Variants in USP42 observed in about 807,000 individuals in gnomAD.
USP42 encodes ubiquitin specific peptidase 42.
In USP42, 23 loss-of-function variants were observed where a neutral mutation model predicts 113.0. The observed-to-expected ratio is 0.20, with a 90% CI of 0.15 to 0.29. The LOEUF is 0.29. Among genes scored for constraint, USP42 ranks in the 10% least tolerant of loss-of-function variants. The probability of loss-of-function intolerance (pLI) is 1.00; values close to 1 mark genes in which losing one functional copy is unlikely to be tolerated. For synonymous variants in USP42, 933 were observed against 699.0 expected (o/e 1.33, Z -5.28); for missense variants, 2,174 against 1,779.8 (o/e 1.22, Z -3.99).
At chr7:6,091,978 T>TTTCCTCTTCTTC in the USP42 span, among the ~76,000 whole-genome samples, 1 of 67,866 alleles carries the variant, frequency 1.5e-5, no homozygotes, top group Non-Finnish European at 2.9e-5. Context: ...GGACGTATTT[T>TTTCCTCTTCTTC]TTCTTCTTCT....
At chr7:6,156,028 A>T (rs1782429154) in intron 15 of USP42, among the ~76,000 whole-genome samples, 1 of 152,192 alleles carries the variant, frequency 6.6e-6, no homozygotes, top group South Asian at 2.1e-4. Flanking sequence ...GGCATGAGCC[A>T]CCTCACCTGG....
intron 1 of USP42, among the ~76,000 whole-genome samples, chr7:6,109,377 T>C (rs1779466160): frequency 6.6e-6 from 1 of 152,028 alleles, no homozygotes. Context: ...TCCTGAAAGG[T>C]GTTCTTTCTT....
In USP42 at chr7:6,115,374, A is replaced by T; in HGVS notation, c.293A>T (p.Lys98Met). The T allele has an allele frequency of 6.2e-7, 1 of 1,614,062 alleles. No individual in the cohort carries two copies. Among genetic ancestry groups the T allele is most frequent in the South Asian group, 1.1e-5 (1 of 91,084 alleles). The change falls in exon 3 of 18, where the codon AAG becomes ATG. Residue 98 changes from lysine to methionine, a missense_variant. Coordinates refer to ENST00000306177, the MANE Select transcript of USP42 (RefSeq NM_032172.3). ...PPQKVLFPSE[K>M]ICLKWQQTHR... ...CAGAAAGTTCTTTTCCCATCTGAGA[A>T]GATTTGTCTTAAGTGGCAACAAACT...
chr7:6,152,946 T>C (rs913234632), intron 14 of USP42: 6 of 985,196 alleles, frequency 6.1e-6, no homozygotes, highest in Non-Finnish European at 7.2e-6. Context: ...CACTGGACTT[T>C]TTTTCTTTAG....
chr7:6,095,438 G>T, the USP42 span, among the ~76,000 whole-genome samples: 1 of 151,098 alleles, frequency 6.6e-6, no homozygotes, highest in Non-Finnish European at 1.5e-5. Context: ...GGCAGGTTGA[G>T]GCAGGCAGAT....
chr7:6,158,462 CTG>C lies in USP42; in HGVS notation c.3944-982_3944-981del, dbSNP rs1782585718. 6.6e-6 allele frequency among the ~76,000 whole-genome samples: 1 copy of C among 150,728 alleles called. No individual in the cohort carries two copies. Among genetic ancestry groups the C allele is most frequent in the Non-Finnish European group, 1.5e-5 (1 of 68,006 alleles). On this transcript the variant is annotated intron_variant, in intron 16 of 17. Coordinates refer to ENST00000306177, the MANE Select transcript of USP42 (RefSeq NM_032172.3). This position sits in a 1 kb window ranked among gnomAD's most constrained non-coding sequence, Gnocchi z 4.2. The stretch of plus-strand genomic sequence containing the variant: ...CGGCTGAGTTGTGGGTTAGGTGGAG[CTG>C]TGTGTTCTGGGGAAGGCCTGTCCCT...
intron 3 of USP42, among the ~76,000 whole-genome samples, chr7:6,127,949 A>G (rs1780628823): frequency 6.6e-6 from 1 of 151,858 alleles, no homozygotes; most frequent in Admixed American, 6.6e-5. Context: ...TTGAGACAGA[A>G]TCTTGTTCTG....
chr7:6,143,673 T>A (rs1781550196), intron 8 of USP42, among the ~76,000 whole-genome samples: 1 of 152,062 alleles, frequency 6.6e-6, no homozygotes, highest in Non-Finnish European at 1.5e-5. Flanking sequence ...TTTATTCCTT[T>A]TGTTTCTGGT....
In USP42 at chr7:6,154,935, G is replaced by C; in HGVS notation, c.3381G>C (p.Pro1127=). ...CAGGCGCGCCCCACGCCCTCGCCCC[G>C]CACCCCGACCGCTTCTCCCACGACA... ...PRAGAPHALA[P]HPDRFSHDRT... Residue 1127 remains proline (P), a synonymous_variant, in exon 15 of 18, where the codon CCG becomes CCC. Transcript: ENST00000306177. 15 of 1,551,606 alleles carry C rather than the reference G, an allele frequency of 9.7e-6. No individual in the cohort carries two copies. Among genetic ancestry groups the C allele is most frequent in the Non-Finnish European group, 1.3e-5 (15 of 1,147,200 alleles).
At chr7:6,087,340 CTTTTTTTTT>C in the USP42 span, among the ~76,000 whole-genome samples, 6 of 116,508 alleles carry the variant, frequency 5.1e-5, no homozygotes, top group Non-Finnish European at 7.0e-5. Context: ...CTAAGCGCTT[CTTTTTTTTT>C]TTTTTTTTTT....
chr7:6,154,563 C>T lies in USP42; in HGVS notation c.3009C>T (p.Gly1003=), dbSNP rs773607140. 8 of 1,553,556 alleles carry T rather than the reference C, an allele frequency of 5.1e-6. No individual in the cohort carries two copies. Among genetic ancestry groups the T allele is most frequent in the Admixed American group, 1.9e-5 (1 of 51,534 alleles). Residue 1003 remains glycine, a synonymous_variant, in exon 15 of 18, where the codon GGC becomes GGT. Coordinates refer to ENST00000306177, the MANE Select transcript of USP42 (RefSeq NM_032172.3). ...RHAPEHHPGH[G]DRLSPGERRS... is the part of the protein sequence containing the mutation. ...CCCCGGAGCACCACCCCGGCCACGG[C>T]GACAGGCTCAGCCCTGGCGAGCGCC...
chr7:6,101,721 C>T (rs763418622), upstream of USP42, among the ~76,000 whole-genome samples: 1 of 150,916 alleles, frequency 6.6e-6, no homozygotes, highest in Non-Finnish European at 1.5e-5. Context: ...GAGGTGTAAC[C>T]CCCCATCCCC....
At chr7:6,112,809 C>T (rs991942304) in intron 2 of USP42, among the ~76,000 whole-genome samples, 2 of 151,838 alleles carry the variant, frequency 1.3e-5, no homozygotes, top group African/African-American at 4.8e-5. Context: ...AATTTGTCTT[C>T]CAGTGTGGCC....
chr7:6,091,582 A>G, the USP42 span, among the ~76,000 whole-genome samples: 1 of 149,886 alleles, frequency 6.7e-6, no homozygotes, highest in Non-Finnish European at 1.5e-5. Flanking sequence ...GTTTCTATTG[A>G]TTATATTGAT....
the USP42 span, among the ~76,000 whole-genome samples, chr7:6,094,502 G>A: frequency 1.4e-4 from 21 of 151,286 alleles, no homozygotes; most frequent in Non-Finnish European, 2.8e-4. Context: ...CCATTCTGTT[G>A]TGGATGTAGA....
the USP42 span, chr7:6,093,172 T>C: frequency 7.4e-6 from 1 of 134,636 alleles, no homozygotes; most frequent in Non-Finnish European, 1.6e-5. Flanking sequence ...TTCCCTTCCT[T>C]CCCTCCCTCT....
At position 6,160,718 on chromosome 7, in the gene USP42, C is replaced by T. The variant is rs1270702422; in HGVS notation, c.*200C>T. 3 of 152,484 alleles carry T rather than the reference C, an allele frequency of 2.0e-5. No homozygotes were observed. The highest frequency in any genetic ancestry group is 4.4e-5 in the Non-Finnish European group (3 of 68,028). 9.4% of individuals were successfully genotyped at this position (152,484 alleles called of 1,614,324 possible). A position where few individuals can be genotyped will look rare whatever the true frequency, so the allele number is the denominator to read the frequency against. On this transcript the variant is annotated 3_prime_UTR_variant, in exon 18 of 18. Coordinates refer to ENST00000306177, the MANE Select transcript of USP42 (RefSeq NM_032172.3). ...TACCTTTTCTTAATTACCCTTATTCCGAATGGACGAACACTTTCTACCACT... is the reference window on the plus strand; with the variant it reads ...TACCTTTTCTTAATTACCCTTATTCTGAATGGACGAACACTTTCTACCACT...
the USP42 span, among the ~76,000 whole-genome samples, chr7:6,099,277 C>T: frequency 2.9e-5 from 4 of 137,282 alleles, no homozygotes; most frequent in East Asian, 2.1e-4. Context: ...TGCAGTGGCG[C>T]GATCTCAGCT....
chr7:6,122,021 C>T (rs140054435), intron 3 of USP42, among the ~76,000 whole-genome samples: 46 of 152,186 alleles, frequency 3.0e-4, no homozygotes, highest in African/African-American at 1.1e-3. Flanking sequence ...TCTCAAAGAA[C>T]GAGCTCTTGG....
Sources: gnomAD v4.1 joint callset for allele counts (sites outside exome capture counted in the v4.1 genomes callset) on GRCh38, gnomAD v4.1.1 for gene constraint, Gnocchi (gnomAD v3.1) non-coding constraint, MANE v1.5 for transcripts, NCBI Gene and HGNC (gene_info 2026-07-23, HGNC 2026-07-21) for gene names.